Variants in KLRG2 observed in about 807,000 individuals in gnomAD.
The protein encoded by KLRG2 is killer cell lectin-like receptor subfamily G member 2.
KLRG2 carries 39 observed loss-of-function variants against 35.4 expected under a neutral mutation model. That is an observed-to-expected ratio of 1.10 (90% confidence interval 0.85 to 1.44). The LOEUF (loss-of-function observed/expected upper bound fraction) is 1.44. Ranked by LOEUF, KLRG2 falls within the 40% of genes most tolerant of loss-of-function variation. The probability of loss-of-function intolerance (pLI) is 0.00; values close to 1 mark genes in which losing one functional copy is unlikely to be tolerated. For missense variants in KLRG2, 632 were observed against 570.9 expected, an observed-to-expected ratio of 1.11 and a Z score of -1.09; for synonymous variants, 283 against 265.8, an observed-to-expected ratio of 1.06 and a Z score of -0.63.
At chr7:139,440,340 G>A in the KLRG2 span, among the ~76,000 whole-genome samples, 6 of 136,878 alleles carry the variant, frequency 4.4e-5, no homozygotes, top group Admixed American at 1.5e-4. Flanking sequence ...GGCTGATCTC[G>A]AACTCCTGTG....
chr7:139,464,271 C>T (rs750645765), intron 3 of KLRG2, among the ~76,000 whole-genome samples: 18 of 152,316 alleles, frequency 1.2e-4, no homozygotes, highest in South Asian at 2.1e-4. Context: ...CCCCGCTAAA[C>T]GCCAATATCC....
At chr7:139,482,848 C>G in intron 1 of KLRG2, 38 bp downstream of exon 1, 1 of 1,366,658 alleles carries the variant, frequency 7.3e-7, no homozygotes, top group Non-Finnish European at 9.4e-7. Flanking sequence ...GTCCACCCGA[C>G]CTGGCGGCGT....
chr7:139,428,410 T>C, the KLRG2 span, among the ~76,000 whole-genome samples: 1 of 151,942 alleles, frequency 6.6e-6, no homozygotes, highest in African/African-American at 2.4e-5. Flanking sequence ...ACTCAGCTAA[T>C]TTTTTAAAAA....
chr7:139,437,425 CAAAAAAAAAAAAAAAA>C, the KLRG2 span, among the ~76,000 whole-genome samples: 46 of 73,226 alleles, frequency 6.3e-4, no homozygotes, highest in African/African-American at 1.7e-3. Flanking sequence ...ACTCCATCTC[CAAAAAAAAAAAAAAAA>C]AAAAAAAAAA....
intron 3 of KLRG2, among the ~76,000 whole-genome samples, chr7:139,460,245 G>T (rs1471586288): frequency 6.6e-6 from 1 of 152,226 alleles, no homozygotes; most frequent in East Asian, 1.9e-4. Flanking sequence ...GCCTGCCATG[G>T]GGGTTGCGAG....
At chr7:139,480,943 G>A (rs976660007) in intron 1 of KLRG2, among the ~76,000 whole-genome samples, 6 of 151,378 alleles carry the variant, frequency 4.0e-5, no homozygotes, top group South Asian at 4.2e-4. Context: ...GGGGTTTGAC[G>A]ATGTTGGTCA....
chr7:139,444,149 GGA>G, the KLRG2 span, among the ~76,000 whole-genome samples: 1 of 152,200 alleles, frequency 6.6e-6, no homozygotes, highest in Non-Finnish European at 1.5e-5. Context: ...TAGCCATGCT[GGA>G]GACTGATTAG....
intron 3 of KLRG2, among the ~76,000 whole-genome samples, chr7:139,476,443 CTTT>C (rs10543223): frequency 6.8e-6 from 1 of 147,592 alleles, no homozygotes. Context: ...GTGTCACTAT[CTTT>C]TTTTTTTTTC....
At chr7:139,446,560 C>T in the KLRG2 span, among the ~76,000 whole-genome samples, 3 of 151,162 alleles carry the variant, frequency 2.0e-5, no homozygotes, top group African/African-American at 7.3e-5. Context: ...AGGCTGGTCT[C>T]GAATTCCTGA....
chr7:139,450,623 T>C (rs1796364889), downstream of KLRG2, among the ~76,000 whole-genome samples: 1 of 152,174 alleles, frequency 6.6e-6, no homozygotes, highest in Non-Finnish European at 1.5e-5. Context: ...TTATTTTTAT[T>C]ATTTATTACT....
the KLRG2 span, among the ~76,000 whole-genome samples, chr7:139,445,779 ATGTATATATATATG>A: frequency 8.3e-6 from 1 of 120,296 alleles, no homozygotes; most frequent in African/African-American, 6.1e-5. Context: ...ATATATATAT[ATGTATATATATATG>A]TGTGTATATA....
intron 3 of KLRG2, among the ~76,000 whole-genome samples, chr7:139,473,377 C>T (rs918368499): frequency 2.6e-5 from 4 of 152,178 alleles, no homozygotes; most frequent in African/African-American, 9.6e-5. Context: ...CCTATCCGCG[C>T]AATGATGACA....
At chr7:139,440,552 C>T in the KLRG2 span, among the ~76,000 whole-genome samples, 14 of 151,628 alleles carry the variant, frequency 9.2e-5, no homozygotes, top group African/African-American at 3.4e-4. Context: ...CTACCATAGC[C>T]GACTTAATTT....
At chr7:139,442,495 C>T in the KLRG2 span, among the ~76,000 whole-genome samples, 1 of 151,734 alleles carries the variant, frequency 6.6e-6, no homozygotes, top group Non-Finnish European at 1.5e-5. Context: ...GAGGATGGCT[C>T]GAGTCCAGGA....
chr7:139,428,052 G>A, the KLRG2 span, among the ~76,000 whole-genome samples: 1 of 152,102 alleles, frequency 6.6e-6, no homozygotes, highest in African/African-American at 2.4e-5. Flanking sequence ...GATTCAGCTG[G>A]GAGTGGCAAG....
intron 3 of KLRG2, among the ~76,000 whole-genome samples, chr7:139,468,321 G>A (rs546592068): frequency 1.3e-5 from 2 of 151,816 alleles, no homozygotes; most frequent in African/African-American, 2.4e-5. Flanking sequence ...CAAGTCTCTC[G>A]TTCCACCTAA....
At chr7:139,450,419 T>G (rs1053890606), downstream of KLRG2, among the ~76,000 whole-genome samples, 1 of 151,956 alleles carries the variant, frequency 6.6e-6, no homozygotes, top group African/African-American at 2.4e-5. Context: ...GAGATGGGGT[T>G]TCACCGTGTT....
At chr7:139,471,152 A>G (rs1796748107) in intron 3 of KLRG2, among the ~76,000 whole-genome samples, 1 of 151,974 alleles carries the variant, frequency 6.6e-6, no homozygotes, top group South Asian at 2.1e-4. Context: ...CCGGACTTCC[A>G]TTTTTGTTTT....
chr7:139,473,376 G>A (rs890941853), intron 3 of KLRG2, among the ~76,000 whole-genome samples: 8 of 152,118 alleles, frequency 5.3e-5, no homozygotes, highest in African/African-American at 1.9e-4. Context: ...TCCTATCCGC[G>A]CAATGATGAC....
Sources: allele counts gnomAD v4.1 joint callset (sites outside exome capture counted in the v4.1 genomes callset), GRCh38; gene constraint gnomAD v4.1.1; transcripts MANE v1.5; gene names NCBI Gene and HGNC (gene_info 2026-07-23, HGNC 2026-07-21).